WTAP: variants seen among roughly 807,000 people sequenced by gnomAD.
WTAP encodes pre-mRNA-splicing regulator WTAP.
A neutral mutation model predicts 50.0 loss-of-function variants in WTAP; 8 were observed. The observed-to-expected ratio is 0.16, with a 90% CI of 0.09 to 0.29. The LOEUF (loss-of-function observed/expected upper bound fraction) is 0.29, where lower values mean the gene tolerates loss of function less well. WTAP is among the 10% of genes least tolerant of loss of function. The pLI is 1.00. For synonymous variants in WTAP, 194 were observed against 169.0 expected (o/e 1.15, Z -1.15); for missense variants, 295 against 470.7 (o/e 0.63, Z 3.45).
At chr6:159,749,483 CA>C (rs1408792016) in intron 6 of WTAP, 1 of 971,514 alleles carries the variant, frequency 1.0e-6, no homozygotes. Flanking sequence ...TACTCTTTAA[CA>C]TTTTAATTTG....
At chr6:159,731,124 G>A (rs1425276762) in intron 1 of WTAP, among the ~76,000 whole-genome samples, 1 of 151,826 alleles carries the variant, frequency 6.6e-6, no homozygotes, top group Non-Finnish European at 1.5e-5. Context: ...CTGGGCAACA[G>A]AGAGAGACTA....
At chr6:159,735,571 A>C (rs1778858687) in intron 1 of WTAP, among the ~76,000 whole-genome samples, 1 of 152,146 alleles carries the variant, frequency 6.6e-6, no homozygotes, top group South Asian at 2.1e-4. Flanking sequence ...CAACACGGTG[A>C]AACCCCGTCT....
Position 159,755,656 on chromosome 6 carries a change from A to G in WTAP, c.*45A>G, listed in dbSNP as rs762032696. 2 of 1,490,178 alleles carry G rather than the reference A, an allele frequency of 1.3e-6. No individual in the cohort carries two copies. The highest frequency in any genetic ancestry group is 2.3e-5 in the Admixed American group (1 of 44,402). The allele number at this position is 1,490,178 out of a possible 1,614,324, so 92.3% of individuals were successfully genotyped here. Reference sequence around the variant, plus strand: ...TATACAGTGTCATTTAATTTGGGAGAGGATACTGTCCAGAAAATTAATGCA... The same window carrying G: ...TATACAGTGTCATTTAATTTGGGAGGGGATACTGTCCAGAAAATTAATGCA... On this transcript the variant is annotated 3_prime_UTR_variant, in exon 8 of 8. Transcript: ENST00000621533.
In WTAP at chr6:159,748,234, C is replaced by A. The variant is rs1485278280; in HGVS notation, c.317C>A (p.Ala106Asp). 1 of 1,613,848 alleles carries A rather than the reference C, an allele frequency of 6.2e-7. No individual in the cohort carries two copies. ...AAGCAAGTCCAGCAGCCGAGCGTTG[C>A]CCAACTGAGATCAACAATGGTAGAC... ...YLKQVQQPSV[A>D]QLRSTMVDPA... The change falls in exon 6 of 8, where the codon GCC (alanine) becomes GAC (aspartate). Residue 106 changes from alanine (A) to aspartate (D), a missense_variant. By Grantham distance (126) the Ala-to-Asp change is moderately radical. Coordinates refer to ENST00000621533, the MANE Select transcript of WTAP (RefSeq NM_001270531.2). This position sits in a 1 kb window ranked among gnomAD's most constrained non-coding sequence, Gnocchi z 5.6.
chr6:159,728,454 T>A (rs1384710243), intron 1 of WTAP, among the ~76,000 whole-genome samples: 1 of 152,228 alleles, frequency 6.6e-6, no homozygotes, highest in Non-Finnish European at 1.5e-5. Context: ...TTTAGTCTGG[T>A]AGGGAAATAC....
At chr6:159,742,455 T>C (rs1383260525) in intron 4 of WTAP, among the ~76,000 whole-genome samples, 3 of 152,180 alleles carry the variant, frequency 2.0e-5, no homozygotes, top group Non-Finnish European at 4.4e-5. Context: ...TAACCCCTTC[T>C]GCATAGGAAT....
chr6:159,749,127 T>A, intron 6 of WTAP: 1 of 986,206 alleles, frequency 1.0e-6, no homozygotes, highest in East Asian at 1.1e-4. Flanking sequence ...GCAAAAACTG[T>A]AGATAATCTT....
Position 159,727,525 on chromosome 6 carries a change from T to G in WTAP, c.-187T>G, listed in dbSNP as rs1778261799. ...GGTTTCCTCCCTCAGCGCCATTTTG[T>G]GGCAGCGAGACCCACAAATAAAGGG... On this transcript the variant is annotated 5_prime_UTR_variant, in exon 1 of 8. Coordinates refer to ENST00000621533, the MANE Select transcript of WTAP (RefSeq NM_001270531.2). The G allele has an allele frequency of 1.0e-6, 1 of 991,736 alleles. No individual in the cohort carries two copies. The highest frequency in any genetic ancestry group is 1.2e-6 in the Non-Finnish European group (1 of 835,066). The allele number at this position is 991,736 out of a possible 1,614,324, so 61.4% of individuals were successfully genotyped here. A position where few individuals can be genotyped will look rare whatever the true frequency, so the allele number is the denominator to read the frequency against.
chr6:159,754,717 G>GA (rs374510963), intron 7 of WTAP, among the ~76,000 whole-genome samples: 1 of 151,828 alleles, frequency 6.6e-6, no homozygotes, highest in African/African-American at 2.4e-5. Flanking sequence ...ATAATGACAA[G>GA]AAAAAAAATC....
intron 1 of WTAP, among the ~76,000 whole-genome samples, chr6:159,733,098 G>T (rs1014264443): frequency 6.6e-6 from 1 of 152,092 alleles, no homozygotes; most frequent in South Asian, 2.1e-4. Context: ...ACCAGGTTAA[G>T]GTAGTTACAA....
rs114108660 is a variant in WTAP at position 159,734,588 on chromosome 6, A to G, written c.-8-1670A>G. Among the ~76,000 whole-genome samples the G allele has an allele frequency of 3.9e-3, 597 of 152,322 alleles. 4 individuals carry two copies. The highest frequency in any genetic ancestry group is 0.014 in the African/African-American group (565 of 41,558). On this transcript the variant is annotated intron_variant, in intron 1 of 7. Transcript: ENST00000621533. ...CTACTTGGGAGGCTGAGATGAGAGT[A>G]TGACTTGAGCCCAAGAGTTCAAGAC...
At chr6:159,747,248 T>C (rs1246319039) in intron 5 of WTAP, among the ~76,000 whole-genome samples, 1 of 152,154 alleles carries the variant, frequency 6.6e-6, no homozygotes, top group Non-Finnish European at 1.5e-5. Flanking sequence ...AGTGTGCTAG[T>C]AAATAGCACA....
At chr6:159,735,071 A>G (rs950712745) in intron 1 of WTAP, among the ~76,000 whole-genome samples, 3 of 152,198 alleles carry the variant, frequency 2.0e-5, no homozygotes, top group African/African-American at 7.2e-5. Context: ...TTGAGATACA[A>G]AATATTTGGC....
chr6:159,749,279 A>G, intron 6 of WTAP: 1 of 985,786 alleles, frequency 1.0e-6, no homozygotes, highest in Non-Finnish European at 1.2e-6. Flanking sequence ...TTTTTAGTGA[A>G]TTTTATGAAA....
intron 1 of WTAP, among the ~76,000 whole-genome samples, chr6:159,735,920 A>C (rs1022449839): frequency 4.6e-5 from 7 of 152,104 alleles, no homozygotes; most frequent in African/African-American, 1.7e-4. Flanking sequence ...ATACTACTTG[A>C]GGTCATTATA....
rs1264076549 is a variant in WTAP, at chr6:159,748,978, T to C, written c.452+609T>C. The C allele has an allele frequency of 6.7e-6, 7 of 1,047,138 alleles. No homozygotes were observed. In the African/African-American group the frequency reaches 6.7e-5, roughly 10 times the overall value. The allele number at this position is 1,047,138 out of a possible 1,614,324, so 64.9% of individuals were successfully genotyped here. ...GGGTTTATTTGCTGAGAACCAACTTTCAATAGTCATGAGAGAATCAAATAA... is the reference window on the plus strand; with the variant it reads ...GGGTTTATTTGCTGAGAACCAACTTCCAATAGTCATGAGAGAATCAAATAA... On this transcript the variant is annotated intron_variant, in intron 6 of 7. Transcript: ENST00000621533. The surrounding 1 kb of genome is among the most constrained non-coding windows in gnomAD (Gnocchi z 5.6).
intron 6 of WTAP, among the ~76,000 whole-genome samples, chr6:159,752,331 C>G (rs1445146433): frequency 6.6e-6 from 1 of 152,098 alleles, no homozygotes; most frequent in Non-Finnish European, 1.5e-5. Flanking sequence ...TTACTTAGAT[C>G]CCTTTAAAAG....
At chr6:159,732,850 TTC>T (rs146820451) in intron 1 of WTAP, among the ~76,000 whole-genome samples, 212 of 146,974 alleles carry the variant, frequency 1.4e-3, no homozygotes, top group African/African-American at 1.9e-3. Context: ...GTCTGCTTCT[TTC>T]TCTCTCTCTC....
chr6:159,731,976 G>T (rs756042754), intron 1 of WTAP, among the ~76,000 whole-genome samples: 9 of 152,102 alleles, frequency 5.9e-5, no homozygotes, highest in Non-Finnish European at 1.0e-4. Context: ...TCTTTAAGAA[G>T]AGAGTAAGCA....
Sources: gnomAD v4.1 joint callset for allele counts (sites outside exome capture counted in the v4.1 genomes callset) on GRCh38, gnomAD v4.1.1 for gene constraint, Gnocchi (gnomAD v3.1) non-coding constraint, MANE v1.5 for transcripts, NCBI Gene and HGNC (gene_info 2026-07-23, HGNC 2026-07-21) for gene names.